MPP7: variants seen among roughly 807,000 people sequenced by gnomAD.
MPP7 encodes MAGUK p55 subfamily member 7.
Under a neutral mutation model 76.5 loss-of-function variants are expected in MPP7, and 60 were observed. The observed-to-expected ratio is 0.78, with a 90% CI of 0.64 to 0.97. The LOEUF is 0.97. MPP7 is among the 50% of genes least tolerant of loss of function. The pLI, the probability that MPP7 is intolerant of heterozygous loss-of-function variation, is 0.00. For missense variants in MPP7, 641 were observed against 694.0 expected (o/e 0.92, Z 0.86); for synonymous variants, 237 against 244.5 (o/e 0.97, Z 0.29).
intron 11 of MPP7, among the ~76,000 whole-genome samples, chr10:28,109,158 G>A (rs1025661629): frequency 1.3e-5 from 2 of 151,928 alleles, no homozygotes; most frequent in Non-Finnish European, 2.9e-5. Flanking sequence ...CGTGGTGGTG[G>A]GTGCCTGTAA....
At chr10:28,263,514 T>C (rs956411115) in intron 1 of MPP7, among the ~76,000 whole-genome samples, 6 of 152,132 alleles carry the variant, frequency 3.9e-5, no homozygotes, top group African/African-American at 1.4e-4. Context: ...CCCGTCAATG[T>C]AGATTGTGAT....
chr10:28,243,701 G>GT (rs1159395053), intron 1 of MPP7, among the ~76,000 whole-genome samples: 1 of 152,030 alleles, frequency 6.6e-6, no homozygotes, highest in East Asian at 1.9e-4. Flanking sequence ...ACAGATCTCT[G>GT]TAAGTTCAGT....
At chr10:28,129,587 C>CA (rs34101738) in intron 6 of MPP7, among the ~76,000 whole-genome samples, 10,277 of 108,930 alleles carry the variant, frequency 0.094, 430 homozygotes, top group Middle Eastern at 0.15. Flanking sequence ...GACTCCGTCT[C>CA]AAAAAAAAAA....
intron 1 of MPP7, among the ~76,000 whole-genome samples, chr10:28,331,775 A>T (rs1834472747): frequency 6.6e-6 from 1 of 152,098 alleles, no homozygotes; most frequent in African/African-American, 2.4e-5. Context: ...AGATTTCACC[A>T]TATTGGCCAG....
At chr10:28,201,467 T>C (rs984499890) in intron 3 of MPP7, among the ~76,000 whole-genome samples, 18 of 152,142 alleles carry the variant, frequency 1.2e-4, no homozygotes, top group Admixed American at 8.5e-4. Context: ...GAAAATGCAA[T>C]TCATATTTCC....
chr10:28,063,656 A>G (rs11006821), intron 13 of MPP7, among the ~76,000 whole-genome samples: 24,522 of 151,858 alleles, frequency 0.16, 2,951 homozygotes, highest in East Asian at 0.62. Context: ...TTAGGTGCAC[A>G]AACCGAATTG....
intron 2 of MPP7, among the ~76,000 whole-genome samples, chr10:28,322,221 G>A (rs1407045761): frequency 6.6e-6 from 1 of 152,066 alleles, no homozygotes; most frequent in Non-Finnish European, 1.5e-5. Context: ...ATCAAGTACA[G>A]GTGGAGATGG....
At chr10:28,288,512 A>T (rs994294410) in intron 1 of MPP7, among the ~76,000 whole-genome samples, 1 of 152,138 alleles carries the variant, frequency 6.6e-6, no homozygotes, top group Admixed American at 6.5e-5. Flanking sequence ...AAGTGCTGGG[A>T]TTGCAGGAAT....
At chr10:28,168,585 C>A (rs1371561209) in intron 3 of MPP7, among the ~76,000 whole-genome samples, 1 of 152,072 alleles carries the variant, frequency 6.6e-6, no homozygotes, top group Non-Finnish European at 1.5e-5. Flanking sequence ...GTGGTGTGAT[C>A]TCAGCTCACT....
intron 1 of MPP7, among the ~76,000 whole-genome samples, chr10:28,295,527 C>T (rs542241811): frequency 6.6e-6 from 1 of 152,140 alleles, no homozygotes; most frequent in South Asian, 2.1e-4. Context: ...ATTTTTACAA[C>T]ATGACTTCAA....
chr10:28,258,425 A>T (rs1044596160), intron 1 of MPP7, among the ~76,000 whole-genome samples: 4 of 147,924 alleles, frequency 2.7e-5, no homozygotes, highest in Non-Finnish European at 6.0e-5. Context: ...TTTGAGACAG[A>T]GTCTCACTCT....
At chr10:28,322,517 C>A (rs1211800946) in intron 2 of MPP7, among the ~76,000 whole-genome samples, 1 of 152,236 alleles carries the variant, frequency 6.6e-6, no homozygotes, top group African/African-American at 2.4e-5. Context: ...CCCAACCTTT[C>A]TCTGTTACTT....
chr10:28,236,324 C>T (rs1564723281), intron 2 of MPP7, among the ~76,000 whole-genome samples: 1 of 152,072 alleles, frequency 6.6e-6, no homozygotes, highest in Non-Finnish European at 1.5e-5. Flanking sequence ...GATAAATACA[C>T]AGATGTATAG....
chr10:28,175,938 G>A (rs1434240552), intron 3 of MPP7, among the ~76,000 whole-genome samples: 1 of 152,116 alleles, frequency 6.6e-6, no homozygotes, highest in Non-Finnish European at 1.5e-5. Flanking sequence ...GTAGAATGCA[G>A]CTTTTTTAGA....
At chr10:28,187,847 A>G (rs1248742434) in intron 3 of MPP7, among the ~76,000 whole-genome samples, 1 of 152,220 alleles carries the variant, frequency 6.6e-6, no homozygotes, top group African/African-American at 2.4e-5. Flanking sequence ...CCCTCTTTTT[A>G]AAATACCTTG....
intron 5 of MPP7, among the ~76,000 whole-genome samples, chr10:28,146,833 T>C (rs1344028731): frequency 6.6e-6 from 1 of 152,168 alleles, no homozygotes; most frequent in African/African-American, 2.4e-5. Flanking sequence ...CCAAAATGTA[T>C]ACAGTGCAGG....
At chr10:28,122,910 T>A (rs1834889656) in intron 8 of MPP7, among the ~76,000 whole-genome samples, 3 of 152,174 alleles carry the variant, frequency 2.0e-5, no homozygotes, top group African/African-American at 7.2e-5. Flanking sequence ...GGTTAAAAAG[T>A]CTTTTTCTAC....
At chr10:28,162,988 C>A (rs1036929844) in intron 3 of MPP7, among the ~76,000 whole-genome samples, 2 of 152,114 alleles carry the variant, frequency 1.3e-5, no homozygotes, top group African/African-American at 4.8e-5. Context: ...ACTGAATAGT[C>A]CAGGATAATC....
chr10:28,136,979 T>A (rs1835371967), intron 5 of MPP7, among the ~76,000 whole-genome samples: 2 of 152,092 alleles, frequency 1.3e-5, no homozygotes, highest in South Asian at 4.1e-4. Flanking sequence ...ATGAAAAAAG[T>A]ATAAACCCAC....
Sources: allele counts gnomAD v4.1 joint callset (sites outside exome capture counted in the v4.1 genomes callset), GRCh38; gene constraint gnomAD v4.1.1; transcripts MANE v1.5; gene names NCBI Gene and HGNC (gene_info 2026-07-23, HGNC 2026-07-21).